Variants in SMURF2 observed in about 807,000 individuals in gnomAD.
The protein encoded by SMURF2 is SMAD specific E3 ubiquitin protein ligase 2.
In SMURF2, 48 loss-of-function variants were observed where a neutral mutation model predicts 109.6. The observed-to-expected ratio is 0.44, with a 90% confidence interval of 0.35 to 0.56. SMURF2 has a LOEUF of 0.56. Ranked by LOEUF, SMURF2 falls within the 20% of genes least tolerant of loss-of-function variation. The probability of loss-of-function intolerance (pLI) is 0.01; values close to 1 mark genes in which losing one functional copy is unlikely to be tolerated. For missense variants in SMURF2, 575 were observed against 909.0 expected, an observed-to-expected ratio of 0.63 and a Z score of 4.72; for synonymous variants, 288 against 317.1, an observed-to-expected ratio of 0.91 and a Z score of 0.97.
chr17:64,566,561 G>GTTTTT (rs1164717270), intron 10 of SMURF2, among the ~76,000 whole-genome samples: 3,344 of 43,622 alleles, frequency 0.077, 963 homozygotes, highest in East Asian at 0.088. Context: ...AAGCTTTCTG[G>GTTTTT]TTTTTTTTTT....
chr17:64,594,766 C>G (rs1315161539), intron 3 of SMURF2, among the ~76,000 whole-genome samples: 1 of 152,112 alleles, frequency 6.6e-6, no homozygotes, highest in Admixed American at 6.6e-5. Flanking sequence ...GCAGGCAGAT[C>G]ACCAGAGGAC....
intron 6 of SMURF2, among the ~76,000 whole-genome samples, chr17:64,584,360 T>A (rs1969620067): frequency 7.1e-6 from 1 of 140,310 alleles, no homozygotes; most frequent in South Asian, 2.2e-4. Flanking sequence ...TCTTTTTTTT[T>A]CTTTTTTTTT....
intron 12 of SMURF2, among the ~76,000 whole-genome samples, chr17:64,558,180 G>A (rs1317648844): frequency 1.3e-5 from 2 of 152,102 alleles, no homozygotes; most frequent in Non-Finnish European, 2.9e-5. Context: ...CAGGTGGTTC[G>A]CTTGTGCTCA....
chr17:64,617,354 G>A (rs1259920886), intron 1 of SMURF2, among the ~76,000 whole-genome samples: 1 of 152,026 alleles, frequency 6.6e-6, no homozygotes, highest in East Asian at 1.9e-4. Flanking sequence ...TTCAGTACCT[G>A]GCAAGTAGTT....
At chr17:64,603,017 C>G (rs1969919455) in intron 2 of SMURF2, among the ~76,000 whole-genome samples, 1 of 151,700 alleles carries the variant, frequency 6.6e-6, no homozygotes, top group Admixed American at 6.6e-5. Flanking sequence ...CCTTACTACA[C>G]AAATGCACTT....
chr17:64,555,914 A>G lies in SMURF2; in HGVS notation c.1516T>C (p.Leu506=), dbSNP rs782531746. The G allele has an allele frequency of 1.2e-6, 2 of 1,613,794 alleles. No homozygotes were observed. The highest frequency in any genetic ancestry group is 2.2e-5 in the East Asian group (1 of 44,818). Residue 506 remains leucine (L), a synonymous_variant, in exon 14 of 19, where the codon TTG becomes CTG. Coordinates refer to ENST00000262435, the MANE Select transcript of SMURF2 (RefSeq NM_022739.4). ...CCAAGCAATTGCTTATAAAAAGGCA[A>G]TGTGAAACCACCATCAATATAATGT... is the stretch of plus-strand genomic sequence containing the variant. ...HGHYIDGGFT[L]PFYKQLLGKS... is the part of the protein sequence containing the mutation.
At chr17:64,552,033 A>G (rs926736844) in intron 15 of SMURF2, among the ~76,000 whole-genome samples, 3 of 152,220 alleles carry the variant, frequency 2.0e-5, no homozygotes, top group Non-Finnish European at 2.9e-5. Flanking sequence ...ATACATGCCA[A>G]TAACTAGAAT....
intron 9 of SMURF2, among the ~76,000 whole-genome samples, chr17:64,576,078 G>A (rs1969485862): frequency 6.6e-6 from 1 of 151,884 alleles, no homozygotes; most frequent in African/African-American, 2.4e-5. Flanking sequence ...TGTGGCGCAT[G>A]CCTGTAGTCC....
At chr17:64,618,548 T>C (rs1555690308) in intron 1 of SMURF2, among the ~76,000 whole-genome samples, 1 of 152,190 alleles carries the variant, frequency 6.6e-6, no homozygotes, top group Non-Finnish European at 1.5e-5. Flanking sequence ...GACCAAACAT[T>C]ATCCTGTCTG....
chr17:64,552,600 C>T (rs1291135833), intron 15 of SMURF2, among the ~76,000 whole-genome samples: 7 of 152,164 alleles, frequency 4.6e-5, no homozygotes, highest in African/African-American at 1.7e-4. Flanking sequence ...GCTGTAAACA[C>T]GACTGAACCC....
rs561760746 is a variant in SMURF2 at position 64,635,217 on chromosome 17, C to T, written c.52+26612G>A. Reference sequence around the variant, plus strand: ...TGGTGCACAGCTGTAATCCCAGGTACTTGGGAGGCTGAGGCACGAGAATTG... The same window carrying T: ...TGGTGCACAGCTGTAATCCCAGGTATTTGGGAGGCTGAGGCACGAGAATTG... On this transcript the variant is annotated intron_variant, in intron 1 of 18. Coordinates refer to ENST00000262435, the MANE Select transcript of SMURF2 (RefSeq NM_022739.4). Among the ~76,000 whole-genome samples the T allele has an allele frequency of 3.7e-4, 56 of 152,152 alleles. 1 individual carries two copies. In the South Asian group the frequency reaches 0.011, roughly 31 times the overall value.
intron 16 of SMURF2, among the ~76,000 whole-genome samples, chr17:64,551,197 CA>C (rs1306903392): frequency 2.0e-5 from 3 of 150,752 alleles, no homozygotes. Flanking sequence ...CTGTCTCTAC[CA>C]AAAAAAACAA....
rs59701513 is a variant in SMURF2 at position 64,637,923 on chromosome 17, C to CAAAAAAAAAAAAAAAAA, written c.52+23889_52+23905dup. On this transcript the variant is annotated intron_variant, in intron 1 of 18. Transcript: ENST00000262435. ...CATTGAATGGTTTTGGCGCCCTAGT[C>CAAAAAAAAAAAAAAAAA]AAAAAAAAAAAAAAAAAAAATCAAC... Among the ~76,000 whole-genome samples, 49 of 72,540 alleles carry CAAAAAAAAAAAAAAAAA rather than the reference C, an allele frequency of 6.8e-4. 4 individuals carry two copies. The highest frequency in any genetic ancestry group is 1.3e-3 in the African/African-American group (31 of 24,306). The allele number at this position is 72,540 out of a possible 152,430, so 47.6% of individuals were successfully genotyped here. A position where few individuals can be genotyped will look rare whatever the true frequency, so the allele number is the denominator to read the frequency against.
chr17:64,553,998 C>G (rs1417462453), intron 15 of SMURF2, among the ~76,000 whole-genome samples: 1 of 152,176 alleles, frequency 6.6e-6, no homozygotes, highest in African/African-American at 2.4e-5. Flanking sequence ...ATTTAGAGGA[C>G]TTTTTATTTC....
intron 2 of SMURF2, among the ~76,000 whole-genome samples, chr17:64,604,508 G>C (rs1969942542): frequency 6.6e-6 from 1 of 152,172 alleles, no homozygotes; most frequent in Admixed American, 6.5e-5. Flanking sequence ...AATGAGGTAA[G>C]AATATCTGGA....
intron 10 of SMURF2, among the ~76,000 whole-genome samples, chr17:64,570,378 T>G (rs1555685446): frequency 6.6e-6 from 1 of 152,220 alleles, no homozygotes; most frequent in Non-Finnish European, 1.5e-5. Flanking sequence ...CTCCAAGTTC[T>G]TAGCCTAAAA....
Position 64,545,626 on chromosome 17 carries a change from A to T in SMURF2, c.*222T>A. On this transcript the variant is annotated 3_prime_UTR_variant, in exon 19 of 19. Coordinates refer to ENST00000262435, the MANE Select transcript of SMURF2 (RefSeq NM_022739.4). ...AGATATTAAGTTTAAATAGCAGCTG[A>T]ATGTGGCCTCATGGCAAAGCATAAA... The T allele has an allele frequency of 2.7e-6, 1 of 376,792 alleles. No homozygotes were observed. Among genetic ancestry groups the T allele is most frequent in the Non-Finnish European group, 4.8e-6 (1 of 209,332 alleles). 23.3% of individuals were successfully genotyped at this position (376,792 alleles called of 1,614,324 possible). A position where few individuals can be genotyped will look rare whatever the true frequency, so the allele number is the denominator to read the frequency against.
chr17:64,646,194 T>G (rs1360521278), intron 1 of SMURF2, among the ~76,000 whole-genome samples: 1 of 150,414 alleles, frequency 6.6e-6, no homozygotes, highest in African/African-American at 2.5e-5. Context: ...GCCTCCCGAG[T>G]AGCTGGGATT....
At chr17:64,561,360 T>A (rs1364778299) in intron 12 of SMURF2, 140 bp downstream of exon 12, 11 of 620,580 alleles carry the variant, frequency 1.8e-5, no homozygotes, top group Non-Finnish European at 3.1e-5. Context: ...TATGAATATA[T>A]CTATTAGGAT....
Sources: allele counts gnomAD v4.1 joint callset (sites outside exome capture counted in the v4.1 genomes callset), GRCh38; gene constraint gnomAD v4.1.1; transcripts MANE v1.5; gene names NCBI Gene and HGNC (gene_info 2026-07-23, HGNC 2026-07-21).